SLC12A8: variants seen among roughly 807,000 people sequenced by gnomAD.
SLC12A8 encodes solute carrier family 12 member 8.
In SLC12A8, 69 loss-of-function variants were observed where a neutral mutation model predicts 75.6. The observed-to-expected ratio is 0.91, with a 90% CI of 0.75 to 1.11. SLC12A8 has a LOEUF of 1.11. SLC12A8 is among the 50% of genes most tolerant of loss of function. The pLI is 0.00. For missense variants in SLC12A8, 877 were observed against 896.7 expected, an observed-to-expected ratio of 0.98 and a Z score of 0.28; for synonymous variants, 365 against 372.8, an observed-to-expected ratio of 0.98 and a Z score of 0.24.
chr3:125,189,160 T>C (rs1934858986), intron 3 of SLC12A8, among the ~76,000 whole-genome samples: 1 of 152,192 alleles, frequency 6.6e-6, no homozygotes, highest in Non-Finnish European at 1.5e-5. Flanking sequence ...CCTCGTCTAA[T>C]CAGTTGAAGG....
At chr3:125,195,993 A>T (rs1935003006) in intron 2 of SLC12A8, among the ~76,000 whole-genome samples, 1 of 152,194 alleles carries the variant, frequency 6.6e-6, no homozygotes, top group Non-Finnish European at 1.5e-5. Context: ...TCCCCCTAAT[A>T]ACAGGCGAAC....
At chr3:125,212,381 C>CGCCGCCCCGCGGCCTCCGCAG (rs1444309678) in intron 1 of SLC12A8, among the ~76,000 whole-genome samples, 6 of 152,034 alleles carry the variant, frequency 3.9e-5, no homozygotes, top group Admixed American at 6.5e-5. Context: ...TCGCCCTTCC[C>CGCCGCCCCGCGGCCTCCGCAG]GCCGCCCCGC....
At chr3:125,118,338 T>C (rs1051897394) in intron 8 of SLC12A8, among the ~76,000 whole-genome samples, 2 of 152,184 alleles carry the variant, frequency 1.3e-5, no homozygotes. Context: ...AGAGACTATA[T>C]GAAGGCTGGG....
At chr3:125,124,616 G>T (rs537946407) in intron 6 of SLC12A8, among the ~76,000 whole-genome samples, 1 of 152,092 alleles carries the variant, frequency 6.6e-6, no homozygotes, top group African/African-American at 2.4e-5. Flanking sequence ...ATGAGCCACC[G>T]TGCCTGGCCT....
Position 125,163,502 on chromosome 3 carries a change from G to A in SLC12A8, c.622+14241C>T, listed in dbSNP as rs11928959. ...TAGTCCCAGCTACTTGGGAGGCTGA[G>A]GCAGGAGAATGGTGTGAACCTGGGA... On this transcript the variant is annotated intron_variant, in intron 5 of 13. Coordinates refer to ENST00000469902, the MANE Select transcript of SLC12A8 (RefSeq NM_024628.6). Among the ~76,000 whole-genome samples, 608 of 151,626 alleles carry A rather than the reference G, an allele frequency of 4.0e-3. 7 individuals are homozygous for A. The highest frequency in any genetic ancestry group is 0.014 in the African/African-American group (586 of 41,310).
At chr3:125,189,601 C>T (rs1934868579) in intron 3 of SLC12A8, among the ~76,000 whole-genome samples, 1 of 152,204 alleles carries the variant, frequency 6.6e-6, no homozygotes, top group Non-Finnish European at 1.5e-5. Context: ...GGGATGAGGG[C>T]CCAGGCCATG....
intron 9 of SLC12A8, among the ~76,000 whole-genome samples, chr3:125,108,765 A>G (rs968354619): frequency 6.6e-5 from 10 of 152,224 alleles, no homozygotes; most frequent in Admixed American, 3.3e-4. Context: ...ACCAGCATAG[A>G]AAATCAAAGA....
chr3:125,084,904 C>T (rs1408373943), intron 13 of SLC12A8, among the ~76,000 whole-genome samples: 3 of 152,290 alleles, frequency 2.0e-5, no homozygotes, highest in African/African-American at 4.8e-5. Context: ...AATTTTTACT[C>T]TAAAAGAATC....
At chr3:125,108,161 A>T in intron 9 of SLC12A8, 35 bp from the exon 10 acceptor site, 2 of 1,573,878 alleles carry the variant, frequency 1.3e-6, no homozygotes, top group Non-Finnish European at 1.7e-6. Context: ...GGACCATAAA[A>T]TTTCAGATAG....
chr3:125,144,983 C>G (rs376979254), intron 5 of SLC12A8, among the ~76,000 whole-genome samples: 3 of 152,158 alleles, frequency 2.0e-5, no homozygotes, highest in Non-Finnish European at 4.4e-5. Flanking sequence ...GGCAGCTCTC[C>G]CCCACCCCAA....
chr3:125,153,050 A>G (rs1302839704), intron 5 of SLC12A8, among the ~76,000 whole-genome samples: 1 of 152,110 alleles, frequency 6.6e-6, no homozygotes, highest in Non-Finnish European at 1.5e-5. Flanking sequence ...GTGCTCTGAC[A>G]ATCTGTTCCA....
In SLC12A8 at chr3:125,091,443, G is replaced by A; in HGVS notation, c.1917C>T (p.His639=). 1.2e-6 allele frequency: 2 copies of A among 1,612,218 alleles called. No individual in the cohort carries two copies. Among genetic ancestry groups the A allele is most frequent in the Non-Finnish European group, 1.7e-6 (2 of 1,178,362 alleles). ...FYIGRASPGL[H]LGSASNFSFF... Reference sequence around the variant, plus strand: ...CAAAATGGCTCTGCTGCTTACCAAGGTGAAGCCCTGGACTGGCCCGGCCAA... The same window carrying A: ...CAAAATGGCTCTGCTGCTTACCAAGATGAAGCCCTGGACTGGCCCGGCCAA... Residue 639 remains histidine (H), a synonymous_variant, in exon 12 of 14, where the codon CAC becomes CAT. Transcript: ENST00000469902.
chr3:125,133,690 T>C (rs1933419230), intron 6 of SLC12A8, among the ~76,000 whole-genome samples: 1 of 152,100 alleles, frequency 6.6e-6, no homozygotes, highest in Non-Finnish European at 1.5e-5. Flanking sequence ...CCTCCCAAAG[T>C]TCTGAGATTG....
At chr3:125,173,511 C>G (rs539484041) in intron 5 of SLC12A8, among the ~76,000 whole-genome samples, 1 of 141,332 alleles carries the variant, frequency 7.1e-6, no homozygotes, top group Non-Finnish European at 1.5e-5. Flanking sequence ...ACACCCTTCA[C>G]AAAATATTAA....
At chr3:125,110,152 G>A (rs1939150485) in intron 9 of SLC12A8, 37 bp downstream of exon 9, 1 of 1,593,252 alleles carries the variant, frequency 6.3e-7, no homozygotes, top group Non-Finnish European at 8.6e-7. Context: ...AGCAAAACAT[G>A]TTTCAAAAAA....
intron 4 of SLC12A8, among the ~76,000 whole-genome samples, chr3:125,180,963 A>G (rs1339664854): frequency 2.0e-5 from 3 of 152,226 alleles, no homozygotes; most frequent in Non-Finnish European, 4.4e-5. Context: ...AAGTAAATGT[A>G]TCATAGAAGT....
At chr3:125,128,382 G>A (rs1345362063) in intron 6 of SLC12A8, among the ~76,000 whole-genome samples, 3 of 136,354 alleles carry the variant, frequency 2.2e-5, no homozygotes, top group Admixed American at 7.5e-5. Context: ...GGGTTTCACC[G>A]TTTTAGCCGG....
Position 125,088,343 on chromosome 3 carries a change from C to T in SLC12A8, c.1949G>A (p.Arg650Gln), listed in dbSNP as rs367619170. The change falls in exon 13 of 14, where the codon CGG becomes CAG. Residue 650 changes from arginine to glutamine, a missense_variant. By Grantham distance (43) the Arg-to-Gln change is conservative. Transcript: ENST00000469902. Reference sequence around the variant, plus strand: ...GGGGAGCAAGAGAGACCTCATCCACCGGAAAAAGCTGAAGTTGGAGGCTGA... The same window carrying T: ...GGGGAGCAAGAGAGACCTCATCCACTGGAAAAAGCTGAAGTTGGAGGCTGA... ...LGSASNFSFF[R>Q]WMRSLLLPSC... 1.8e-4 allele frequency: 288 copies of T among 1,614,108 alleles called. 1 individual carries two copies. Among genetic ancestry groups the T allele is most frequent in the South Asian group, 9.8e-4 (89 of 91,082 alleles).
At position 125,135,676 on chromosome 3, in the gene SLC12A8, C is replaced by G. The variant is rs368558150; in HGVS notation, c.729G>C (p.Ala243=). 6.3e-7 allele frequency: 1 copy of G among 1,596,168 alleles called. No homozygotes were observed. Among genetic ancestry groups the G allele is most frequent in the African/African-American group, 1.3e-5 (1 of 74,330 alleles). Residue 243 remains alanine (A), a synonymous_variant, in exon 6 of 14, where the codon GCG becomes GCC. Coordinates refer to ENST00000469902, the MANE Select transcript of SLC12A8 (RefSeq NM_024628.6). ...FFTVFGVFFP[A]ATGVMAGFNM... is the part of the protein sequence containing the mutation. ...GAACCCAGATTACAATACCTGTAGC[C>G]GCTGGGAAGAAAACCCCAAAGACAG...
Sources: allele counts gnomAD v4.1 joint callset (sites outside exome capture counted in the v4.1 genomes callset), GRCh38; gene constraint gnomAD v4.1.1; transcripts MANE v1.5; gene names NCBI Gene and HGNC (gene_info 2026-07-23, HGNC 2026-07-21).